The following HDAC5 variants were observed in gnomAD, a reference collection of about 807,000 sequenced individuals.
HDAC5 encodes antigen NY-CO-9.
A neutral mutation model predicts 133.3 loss-of-function variants in HDAC5; 25 were observed. That is an observed-to-expected ratio of 0.19 (90% confidence interval 0.14 to 0.26). The LOEUF (loss-of-function observed/expected upper bound fraction) is 0.26, where lower values mean the gene tolerates loss of function less well. Ranked by LOEUF, HDAC5 falls within the 10% of genes least tolerant of loss-of-function variation. The pLI, the probability that HDAC5 is intolerant of heterozygous loss-of-function variation, is 1.00. For missense variants in HDAC5, 1,041 were observed against 1,460.5 expected, an observed-to-expected ratio of 0.71 and a Z score of 4.68; for synonymous variants, 589 against 610.8, an observed-to-expected ratio of 0.96 and a Z score of 0.53.
At chr17:44,101,850 G>A (rs1489850468) in intron 3 of HDAC5, among the ~76,000 whole-genome samples, 1 of 151,948 alleles carries the variant, frequency 6.6e-6, no homozygotes, top group African/African-American at 2.4e-5. Context: ...TGGGACAGGT[G>A]AGGGTCTCAA....
At chr17:44,105,181 C>T (rs1471952110) in intron 3 of HDAC5, among the ~76,000 whole-genome samples, 1 of 152,170 alleles carries the variant, frequency 6.6e-6, no homozygotes, top group Non-Finnish European at 1.5e-5. Flanking sequence ...ATTAAGGATC[C>T]AGAGGTCTAG....
chr17:44,107,243 T>C (rs908634615), intron 3 of HDAC5, among the ~76,000 whole-genome samples: 4 of 152,256 alleles, frequency 2.6e-5, no homozygotes, highest in South Asian at 2.1e-4. Flanking sequence ...TGAGCTACCA[T>C]GTCCAGTAAG....
At chr17:44,106,230 G>A (rs2051932218) in intron 3 of HDAC5, among the ~76,000 whole-genome samples, 1 of 152,310 alleles carries the variant, frequency 6.6e-6, no homozygotes, top group Non-Finnish European at 1.5e-5. Flanking sequence ...GAGGTTGTAT[G>A]GGGGCTGGTG....
intron 11 of HDAC5, among the ~76,000 whole-genome samples, chr17:44,088,957 T>TC (rs1381425874): frequency 6.6e-6 from 1 of 151,944 alleles, no homozygotes; most frequent in Non-Finnish European, 1.5e-5. Context: ...TCATGGATCC[T>TC]CCCCGTGGAT....
chr17:44,118,122 G>A (rs1300499007), intron 1 of HDAC5, among the ~76,000 whole-genome samples: 2 of 152,194 alleles, frequency 1.3e-5, no homozygotes, highest in Non-Finnish European at 2.9e-5. Flanking sequence ...GGGAGAAACT[G>A]GTATCCCAGC....
intron 14 of HDAC5, 45 bp from the exon 15 acceptor site, chr17:44,085,200 G>C: frequency 6.6e-7 from 1 of 1,514,502 alleles, no homozygotes; most frequent in South Asian, 1.3e-5. Context: ...TCTGGGCCCA[G>C]GATCCCAGCC....
intron 3 of HDAC5, among the ~76,000 whole-genome samples, chr17:44,105,456 T>C: frequency 6.6e-6 from 1 of 152,200 alleles, no homozygotes; most frequent in Non-Finnish European, 1.5e-5. Context: ...GGTACAAAGC[T>C]ACAGGCAAGT....
rs1395507596 is a variant in HDAC5 at position 44,082,687 on chromosome 17, A to C, written c.2520-15T>G. Reference sequence around the variant, plus strand: ...AGCAGAATCCCCTGAGGAGGGGAGAAAAGGGCAGGAGGTCAGCCTCAGCAT... The same window carrying C: ...AGCAGAATCCCCTGAGGAGGGGAGACAAGGGCAGGAGGTCAGCCTCAGCAT... On this transcript the variant is annotated splice_polypyrimidine_tract_variant and intron_variant, in intron 19 of 26. Transcript: ENST00000682912. 6.2e-7 allele frequency: 1 copy of C among 1,613,086 alleles called. No homozygotes were observed. The highest frequency in any genetic ancestry group is 2.2e-5 in the East Asian group (1 of 44,874).
chr17:44,123,248 C>T (rs2053121212), intron 1 of HDAC5: 1 of 295,968 alleles, frequency 3.4e-6, no homozygotes, highest in South Asian at 1.6e-4. Context: ...CGGGCCCCTC[C>T]CTTACCTGTA....
intron 14 of HDAC5, among the ~76,000 whole-genome samples, chr17:44,085,996 T>C (rs2050630914): frequency 6.6e-6 from 1 of 152,106 alleles, no homozygotes; most frequent in Non-Finnish European, 1.5e-5. Context: ...CTTTGCTCCA[T>C]TATTGCCTAT....
intron 2 of HDAC5, chr17:44,111,396 G>C (rs962528383): frequency 4.5e-5 from 16 of 359,098 alleles, no homozygotes; most frequent in Non-Finnish European, 8.3e-5. Flanking sequence ...AGGGGGATGG[G>C]AACAGGGGAG....
chr17:44,091,920 G>A, intron 9 of HDAC5, 89 bp from the exon 10 acceptor site: 1 of 1,428,402 alleles, frequency 7.0e-7, no homozygotes, highest in Non-Finnish European at 9.4e-7. Context: ...CAAGGTCTCT[G>A]AATGGTGCCC....
Position 44,083,515 on chromosome 17 carries a change from G to A in HDAC5, c.2463+30C>T, listed in dbSNP as rs772601851. ...CCTCTGAGGAGCAGGGCCATGCCAAGGGGCACCGAGGTCACAAGCACACGC... is the reference window on the plus strand; with the variant it reads ...CCTCTGAGGAGCAGGGCCATGCCAAAGGGCACCGAGGTCACAAGCACACGC... On this transcript the variant is annotated intron_variant, in intron 18 of 26. Coordinates refer to ENST00000682912, the MANE Select transcript of HDAC5 (RefSeq NM_005474.5). The A allele has an allele frequency of 2.6e-6, 4 of 1,537,956 alleles. No individual in the cohort carries two copies. In the African/African-American group the frequency reaches 4.1e-5, roughly 16 times the overall value.
chr17:44,113,326 G>C (rs2052452546), intron 2 of HDAC5, among the ~76,000 whole-genome samples: 3 of 152,150 alleles, frequency 2.0e-5, no homozygotes, highest in Admixed American at 1.3e-4. Flanking sequence ...GAGGTGGCTG[G>C]AGCCGGGAGC....
chr17:44,091,900 G>C (rs755470916), intron 9 of HDAC5, 69 bp from the exon 10 acceptor site: 7 of 1,489,598 alleles, frequency 4.7e-6, no homozygotes, highest in Non-Finnish European at 6.3e-6. Flanking sequence ...GGGCAACCTG[G>C]GGCCAAGGCC....
At chr17:44,116,013 T>C (rs919472397) in intron 2 of HDAC5, 3 of 152,226 alleles carry the variant, frequency 2.0e-5, no homozygotes, top group Non-Finnish European at 4.4e-5. Context: ...AATAACTTCA[T>C]CTATCCTGGG....
At position 44,117,562 on chromosome 17, in the gene HDAC5, AG is replaced by A; in HGVS notation, c.-48del. The A allele has an allele frequency of 7.0e-7, 1 of 1,428,408 alleles. No individual in the cohort carries two copies. The allele number at this position is 1,428,408 out of a possible 1,614,324, so 88.5% of individuals were successfully genotyped here. ...AGCTGGCGTTGGGGGCTGGGACGGG[AG>A]GGGGTGGAGCTGCGGTGATGTCAAG... On this transcript the variant is annotated 5_prime_UTR_variant, in exon 2 of 27. Coordinates refer to ENST00000682912, the MANE Select transcript of HDAC5 (RefSeq NM_005474.5). The surrounding 1 kb of genome is among the most constrained non-coding windows in gnomAD (Gnocchi z 4.2).
chr17:44,093,398 C>CCCGCTG lies in HDAC5; in HGVS notation c.436_441dup (p.Gln146_Arg147dup). 2 of 1,590,986 alleles carry CCCGCTG rather than the reference C, an allele frequency of 1.3e-6. No individual in the cohort carries two copies. Among genetic ancestry groups the CCCGCTG allele is most frequent in the Non-Finnish European group, 8.5e-7 (1 of 1,171,076 alleles). ...TCCAGCTCTTCCTGCCGCTGCTGCT[C>CCCGCTG]CCGCTGCCGCTGCTGCTCCAGCTCC... On this transcript the variant is annotated inframe_insertion, in exon 5 of 27. Transcript: ENST00000682912.
intron 3 of HDAC5, among the ~76,000 whole-genome samples, chr17:44,100,774 T>C (rs2051553348): frequency 2.0e-5 from 3 of 150,132 alleles, no homozygotes; most frequent in Admixed American, 2.0e-4. Context: ...AATAAATACA[T>C]ACATACATAC....
Sources: allele counts gnomAD v4.1 joint callset (sites outside exome capture counted in the v4.1 genomes callset), GRCh38; gene constraint gnomAD v4.1.1; non-coding constraint Gnocchi (gnomAD v3.1); transcripts MANE v1.5; gene names NCBI Gene and HGNC (gene_info 2026-07-23, HGNC 2026-07-21).